UNC13B: variants seen among roughly 807,000 people sequenced by gnomAD.
UNC13B encodes protein unc-13 homolog B.
Under a neutral mutation model 211.0 loss-of-function variants are expected in UNC13B, and 144 were observed. The ratio of observed to expected loss-of-function variants is 0.68; its 90% confidence interval spans 0.60 to 0.78. The LOEUF (loss-of-function observed/expected upper bound fraction) is 0.78, where lower values mean the gene tolerates loss of function less well. Ranked by LOEUF, UNC13B falls within the 30% of genes least tolerant of loss-of-function variation. The pLI is 0.00. For missense variants in UNC13B, 1,777 were observed against 2,002.0 expected, an observed-to-expected ratio of 0.89 and a Z score of 2.14; for synonymous variants, 709 against 725.8, an observed-to-expected ratio of 0.98 and a Z score of 0.37.
chr9:35,196,053 A>T (rs7043259), intron 1 of UNC13B, among the ~76,000 whole-genome samples: 142,549 of 149,372 alleles, frequency 0.95, 68,396 homozygotes, highest in Non-Finnish European at 1. Context: ...CATTTCTATC[A>T]TTTAAAATGT....
In UNC13B at chr9:35,295,715, T is replaced by A. The variant is rs1380878536; in HGVS notation, c.546T>A (p.Ser182Arg). ...CCATAGCTTTTGAAGACCCTGATAG[T>A]GCCGTCGATGACCGAGATAGTGACT... ...AAQCSFEDPDSAVDDRDSDYR... is the reference protein window; with the variant it reads ...AAQCSFEDPDRAVDDRDSDYR... Residue 182 changes from serine to arginine, a missense_variant, in exon 8 of 40, where the codon AGT becomes AGA. Ser to Arg is a moderately radical substitution (Grantham distance 110). Coordinates refer to ENST00000635942, the MANE Select transcript of UNC13B (RefSeq NM_001371189.2). The A allele has an allele frequency of 6.2e-7, 1 of 1,614,022 alleles. No homozygotes were observed. The highest frequency in any genetic ancestry group is 8.5e-7 in the Non-Finnish European group (1 of 1,180,034).
chr9:35,322,538 A>T (rs1830789985), intron 11 of UNC13B, among the ~76,000 whole-genome samples: 1 of 152,104 alleles, frequency 6.6e-6, no homozygotes, highest in South Asian at 2.1e-4. Flanking sequence ...GAGAGGTAGG[A>T]TTACAGCTGC....
At chr9:35,208,170 T>A (rs1295350694) in intron 1 of UNC13B, among the ~76,000 whole-genome samples, 1 of 152,208 alleles carries the variant, frequency 6.6e-6, no homozygotes, top group Non-Finnish European at 1.5e-5. Flanking sequence ...CCTCTGCAAG[T>A]CTACCTGCCA....
intron 5 of UNC13B, among the ~76,000 whole-genome samples, chr9:35,242,648 G>C (rs570826927): frequency 2.6e-5 from 4 of 152,080 alleles, no homozygotes; most frequent in African/African-American, 9.7e-5. Context: ...ATAATGCTCC[G>C]TTGTATGTAA....
chr9:35,361,433 A>C (rs1471719173), intron 11 of UNC13B: 1 of 152,228 alleles, frequency 6.6e-6, no homozygotes, highest in Non-Finnish European at 1.5e-5. Flanking sequence ...AGGGTCTGGA[A>C]AATGGTACAG....
intron 11 of UNC13B, among the ~76,000 whole-genome samples, chr9:35,353,983 A>G (rs757061058): frequency 1.1e-4 from 17 of 152,110 alleles, no homozygotes; most frequent in Admixed American, 7.2e-4. Context: ...TGGGAATTGG[A>G]GTGAAAGATG....
chr9:35,248,148 G>A (rs1448976170), intron 6 of UNC13B, among the ~76,000 whole-genome samples: 1 of 152,198 alleles, frequency 6.6e-6, no homozygotes. Context: ...GCGTAGAGGT[G>A]TTTATAGTAT....
At chr9:35,246,068 T>C (rs551146763) in intron 6 of UNC13B, among the ~76,000 whole-genome samples, 1 of 152,314 alleles carries the variant, frequency 6.6e-6, no homozygotes, top group African/African-American at 2.4e-5. Context: ...TGGTATGTCA[T>C]TGTGGTTTTG....
At chr9:35,177,083 C>T (rs1023422227) in intron 1 of UNC13B, among the ~76,000 whole-genome samples, 1 of 152,116 alleles carries the variant, frequency 6.6e-6, no homozygotes, top group African/African-American at 2.4e-5. Flanking sequence ...AGCCACAGCG[C>T]AGCCTGGCCA....
At chr9:35,190,099 G>A (rs114357099) in intron 1 of UNC13B, among the ~76,000 whole-genome samples, 1,627 of 152,284 alleles carry the variant, frequency 0.011, 32 homozygotes, top group African/African-American at 0.037. Flanking sequence ...CAAAATTAAC[G>A]GCGCCATTTT....
At chr9:35,402,061 G>A in intron 37 of UNC13B, 1 of 1,521,762 alleles carries the variant, frequency 6.6e-7, no homozygotes, top group Non-Finnish European at 8.9e-7. Context: ...ACTGACCCCT[G>A]GGAGCTAGAA....
At chr9:35,394,022 T>C (rs551346696) in intron 26 of UNC13B, among the ~76,000 whole-genome samples, 9 of 152,260 alleles carry the variant, frequency 5.9e-5, no homozygotes, top group Non-Finnish European at 8.8e-5. Context: ...CTGGAGGCTA[T>C]TATAGTAATC....
At chr9:35,323,510 C>T (rs1033087239) in intron 11 of UNC13B, among the ~76,000 whole-genome samples, 3 of 152,140 alleles carry the variant, frequency 2.0e-5, no homozygotes, top group African/African-American at 7.2e-5. Context: ...AAGAACAGGC[C>T]TTACTATTGC....
intron 5 of UNC13B, among the ~76,000 whole-genome samples, chr9:35,239,083 A>G (rs1452366502): frequency 6.6e-6 from 1 of 151,732 alleles, no homozygotes; most frequent in Non-Finnish European, 1.5e-5. Context: ...ACCAATTTAT[A>G]CTCTTATAAA....
At chr9:35,190,100 G>A (rs1243625238) in intron 1 of UNC13B, among the ~76,000 whole-genome samples, 1 of 152,192 alleles carries the variant, frequency 6.6e-6, no homozygotes, top group South Asian at 2.1e-4. Flanking sequence ...AAAATTAACG[G>A]CGCCATTTTA....
chr9:35,355,919 A>C (rs768284710), intron 11 of UNC13B, among the ~76,000 whole-genome samples: 4 of 152,208 alleles, frequency 2.6e-5, no homozygotes, highest in Non-Finnish European at 5.9e-5. Context: ...AATGATGAGG[A>C]CACTTGTGTC....
intron 11 of UNC13B, chr9:35,360,573 T>C (rs1440128044): frequency 6.6e-6 from 1 of 152,254 alleles, no homozygotes; most frequent in Admixed American, 6.5e-5. Flanking sequence ...AGGGAGTTTG[T>C]GTCATTCACT....
At chr9:35,295,318 C>T (rs1245504311) in intron 7 of UNC13B, among the ~76,000 whole-genome samples, 2 of 152,130 alleles carry the variant, frequency 1.3e-5, no homozygotes, top group African/African-American at 4.8e-5. Context: ...TAAACCTCTG[C>T]TCCTTTCCCC....
intron 7 of UNC13B, among the ~76,000 whole-genome samples, chr9:35,261,638 T>C (rs1238197313): frequency 6.6e-6 from 1 of 152,200 alleles, no homozygotes; most frequent in Non-Finnish European, 1.5e-5. Context: ...TTATACTCTT[T>C]TAGTTATTTA....
Sources: allele counts gnomAD v4.1 joint callset (sites outside exome capture counted in the v4.1 genomes callset), GRCh38; gene constraint gnomAD v4.1.1; transcripts MANE v1.5; gene names NCBI Gene and HGNC (gene_info 2026-07-23, HGNC 2026-07-21).